Variants in GNB1L observed in about 807,000 individuals in gnomAD.
GNB1L encodes the protein G protein subunit beta 1 like.
Under a neutral mutation model 29.1 loss-of-function variants are expected in GNB1L, and 20 were observed. The ratio of observed to expected loss-of-function variants is 0.69; its 90% CI spans 0.48 to 1.00. GNB1L has a LOEUF of 1.00. Among genes scored for constraint, GNB1L ranks in the 50% least tolerant of loss-of-function variants. The probability of loss-of-function intolerance (pLI) is 0.00; values close to 1 mark genes in which losing one functional copy is unlikely to be tolerated. For synonymous variants in GNB1L, 193 were observed against 206.5 expected (o/e 0.93, Z 0.56); for missense variants, 421 against 464.9 (o/e 0.91, Z 0.87).
At position 19,786,945 on chromosome 22, in the gene GNB1L, G is replaced by A. The variant is rs1399924704; in HGVS notation, c.*1764C>T. 1 of 152,214 alleles carries A rather than the reference G, an allele frequency of 6.6e-6. No homozygotes were observed. Among genetic ancestry groups the A allele is most frequent in the Non-Finnish European group, 1.5e-5 (1 of 68,064 alleles). 9.4% of individuals were successfully genotyped at this position (152,214 alleles called of 1,614,324 possible). A position where few individuals can be genotyped will look rare whatever the true frequency, so the allele number is the denominator to read the frequency against. ...CCCTCTCCAAAGGTCCTGGGCACCT[G>A]GTGGCCACCCTTGTCCAACGGAGCC... On this transcript the variant is annotated 3_prime_UTR_variant, in exon 8 of 8. Coordinates refer to ENST00000329517, the MANE Select transcript of GNB1L (RefSeq NM_053004.3).
chr22:19,787,458 C>T lies in GNB1L; in HGVS notation c.*1251G>A, dbSNP rs755640728. The stretch of plus-strand genomic sequence containing the variant: ...GGATCCCACACCCTTCCGATCCGTC[C>T]CACACATGTTCAGATTTCTGCCTGG... On this transcript the variant is annotated 3_prime_UTR_variant, in exon 8 of 8. Coordinates refer to ENST00000329517, the MANE Select transcript of GNB1L (RefSeq NM_053004.3). The T allele has an allele frequency of 2.6e-5, 4 of 152,608 alleles. No individual in the cohort carries two copies. Among genetic ancestry groups the T allele is most frequent in the Non-Finnish European group, 4.4e-5 (3 of 68,306 alleles). The allele number at this position is 152,608 out of a possible 1,614,324, so 9.5% of individuals were successfully genotyped here. A position where few individuals can be genotyped will look rare whatever the true frequency, so the allele number is the denominator to read the frequency against.
intron 7 of GNB1L, among the ~76,000 whole-genome samples, chr22:19,789,327 G>A (rs991094170): frequency 3.3e-5 from 5 of 152,214 alleles, no homozygotes; most frequent in Non-Finnish European, 7.3e-5. Context: ...GCCACGTCCC[G>A]GGCTTGATGG....
At chr22:19,802,305 C>A in intron 6 of GNB1L, 89 bp from the exon 7 acceptor site, 1 of 1,039,298 alleles carries the variant, frequency 9.6e-7, no homozygotes. Context: ...ATTCCTGCCC[C>A]TCCTGCTGGC....
intron 2 of GNB1L, chr22:19,850,223 T>C (rs1938062100): frequency 2.0e-6 from 2 of 985,774 alleles, no homozygotes; most frequent in Non-Finnish European, 2.4e-6. Context: ...AGGCAGCCAC[T>C]GCACCACCTC....
rs1437977047 is a variant in GNB1L at position 19,816,564 on chromosome 22, C to T, written c.254+4034G>A. Among the ~76,000 whole-genome samples the T allele has an allele frequency of 6.6e-6, 1 of 152,156 alleles. No individual in the cohort carries two copies. The highest frequency in any genetic ancestry group is 2.4e-5 in the African/African-American group (1 of 41,422). On this transcript the variant is annotated intron_variant, in intron 4 of 7. Coordinates refer to ENST00000329517, the MANE Select transcript of GNB1L (RefSeq NM_053004.3). The surrounding 1 kb of genome is among the most constrained non-coding windows in gnomAD (Gnocchi z 4.4). ...GCCCCAGCCACCAGGCCCCTCCGCA[C>T]ACGGGCTAGGGAACACACACATGCC...
chr22:19,853,008 C>G (rs914078878), intron 2 of GNB1L, among the ~76,000 whole-genome samples: 1 of 152,176 alleles, frequency 6.6e-6, no homozygotes, highest in African/African-American at 2.4e-5. Context: ...CAGACCGCGT[C>G]GTCATTAGGC....
chr22:19,804,560 A>C (rs111285453), intron 6 of GNB1L, among the ~76,000 whole-genome samples: 3 of 152,028 alleles, frequency 2.0e-5, no homozygotes, highest in African/African-American at 7.2e-5. Context: ...AAATTAAAAA[A>C]TTTTTTAAAT....
In GNB1L at chr22:19,847,820, A is replaced by G. The variant is rs1330953441; in HGVS notation, c.-21+6623T>C. On this transcript the variant is annotated intron_variant, in intron 2 of 7. Transcript: ENST00000329517. The stretch of plus-strand genomic sequence containing the variant: ...AATCATAGGCAAAAAAAAAAAAAAA[A>G]AAAAATTCACCCATATTTTCCTCTA... The G allele has an allele frequency of 7.4e-6, 7 of 943,922 alleles. No individual in the cohort carries two copies. In the East Asian group the frequency reaches 8.0e-4, roughly 107 times the overall value. 58.5% of individuals were successfully genotyped at this position (943,922 alleles called of 1,614,324 possible). A position where few individuals can be genotyped will look rare whatever the true frequency, so the allele number is the denominator to read the frequency against.
In GNB1L at chr22:19,784,386, T is replaced by A. The variant is rs571496546; in HGVS notation, c.*4323A>T. 1 of 152,216 alleles carries A rather than the reference T, an allele frequency of 6.6e-6. No individual in the cohort carries two copies. The highest frequency in any genetic ancestry group is 1.5e-5 in the Non-Finnish European group (1 of 68,020). 9.4% of individuals were successfully genotyped at this position (152,216 alleles called of 1,614,324 possible). ...CTCCCGGCATCGGCTGACCCCTCGG[T>A]GTCTACGTGCCAAGCCCAATCTGCC... On this transcript the variant is annotated 3_prime_UTR_variant, in exon 8 of 8. Coordinates refer to ENST00000329517, the MANE Select transcript of GNB1L (RefSeq NM_053004.3).
At chr22:19,848,724 T>C in intron 2 of GNB1L, 1 of 985,430 alleles carries the variant, frequency 1.0e-6, no homozygotes, top group Non-Finnish European at 1.2e-6. Context: ...CGGCAGACCA[T>C]AACTCACACA....
intron 2 of GNB1L, among the ~76,000 whole-genome samples, chr22:19,844,223 C>T (rs1483246895): frequency 6.6e-6 from 1 of 152,206 alleles, no homozygotes; most frequent in African/African-American, 2.4e-5. Flanking sequence ...GCTGGGGACA[C>T]GCCCAAATGG....
intron 2 of GNB1L, among the ~76,000 whole-genome samples, chr22:19,828,957 G>T (rs919732432): frequency 6.6e-6 from 1 of 151,702 alleles, no homozygotes; most frequent in African/African-American, 2.4e-5. Context: ...TCAGCCTCCC[G>T]AGTAGCTGGG....
At chr22:19,852,013 AG>A (rs768672127) in intron 2 of GNB1L, 28 of 1,614,064 alleles carry the variant, frequency 1.7e-5, no homozygotes, top group Middle Eastern at 1.6e-4. Flanking sequence ...GCATGTGCCC[AG>A]CTAGGGGACC....
chr22:19,843,393 G>A (rs894635842), intron 2 of GNB1L, among the ~76,000 whole-genome samples: 5 of 152,360 alleles, frequency 3.3e-5, no homozygotes, highest in Non-Finnish European at 5.9e-5. Context: ...GAAGAATTCC[G>A]GTGAGGCAGG....
chr22:19,828,521 GT>G (rs1937638795), intron 2 of GNB1L, among the ~76,000 whole-genome samples: 1 of 151,972 alleles, frequency 6.6e-6, no homozygotes, highest in Non-Finnish European at 1.5e-5. Flanking sequence ...GGGCACAGTT[GT>G]ATAGTCCCAG....
Position 19,852,573 on chromosome 22 carries a change from C to T in GNB1L, c.-21+1870G>A, listed in dbSNP as rs979598331. The T allele has an allele frequency of 6.0e-5, 20 of 335,336 alleles. No homozygotes were observed. The East Asian group carries it at 1.1e-3, about 18-fold the overall frequency. 20.8% of individuals were successfully genotyped at this position (335,336 alleles called of 1,614,324 possible). On this transcript the variant is annotated intron_variant, in intron 2 of 7. Coordinates refer to ENST00000329517, the MANE Select transcript of GNB1L (RefSeq NM_053004.3). ...TGGGAAGAGGCTACAAGCGGGCAAC[C>T]CTCTGGTACCCAACTAGGAGCTTTG... is the stretch of plus-strand genomic sequence containing the variant.
intron 5 of GNB1L, among the ~76,000 whole-genome samples, chr22:19,809,936 C>A (rs916503565): frequency 3.3e-5 from 5 of 152,154 alleles, no homozygotes; most frequent in African/African-American, 7.2e-5. Context: ...CCACCAGGCC[C>A]AGCTAACTTT....
Position 19,806,720 on chromosome 22 carries a change from C to T in GNB1L, c.455G>A (p.Cys152Tyr), listed in dbSNP as rs756062223. The change falls in exon 6 of 8, where the codon TGC (cysteine) becomes TAC (tyrosine). Residue 152 changes from cysteine (C) to tyrosine (Y), a missense_variant. By Grantham distance (194) the Cys-to-Tyr change is radical (BLOSUM62 -2). Coordinates refer to ENST00000329517, the MANE Select transcript of GNB1L (RefSeq NM_053004.3). ...GGCATCTGCCTTCGGCTTCAGGGCG[C>T]ACACTGACGTCTTGGAGGGCATCTC... ...ILEMPSKTSV[C>Y]ALKPKADAKL... 6.2e-7 allele frequency: 1 copy of T among 1,613,710 alleles called. No individual in the cohort carries two copies. The highest frequency in any genetic ancestry group is 1.1e-5 in the South Asian group (1 of 91,072).
intron 5 of GNB1L, among the ~76,000 whole-genome samples, chr22:19,811,849 G>A (rs1461612253): frequency 6.6e-6 from 1 of 151,764 alleles, no homozygotes; most frequent in Non-Finnish European, 1.5e-5. Flanking sequence ...AACTTCACCA[G>A]GGACTTGGTC....
Sources: gnomAD v4.1 joint callset for allele counts (sites outside exome capture counted in the v4.1 genomes callset) on GRCh38, gnomAD v4.1.1 for gene constraint, Gnocchi (gnomAD v3.1) non-coding constraint, MANE v1.5 for transcripts, NCBI Gene and HGNC (gene_info 2026-07-23, HGNC 2026-07-21) for gene names.